The following SUGCT variants were observed in gnomAD, a reference collection of about 807,000 sequenced individuals.
The protein encoded by SUGCT is succinyl-CoA:glutarate CoA-transferase.
In SUGCT, 41 loss-of-function variants were observed where a neutral mutation model predicts 55.0. The observed-to-expected ratio is 0.74, with a 90% CI of 0.58 to 0.97. The LOEUF (loss-of-function observed/expected upper bound fraction) is 0.97. Among genes scored for constraint, SUGCT ranks in the 50% least tolerant of loss-of-function variants. The pLI, the probability that SUGCT is intolerant of heterozygous loss-of-function variation, is 0.00. For synonymous variants in SUGCT, 187 were observed against 200.4 expected (o/e 0.93, Z 0.56); for missense variants, 568 against 547.8 (o/e 1.04, Z -0.37).
intron 11 of SUGCT, among the ~76,000 whole-genome samples, chr7:40,493,866 A>G (rs534953780): frequency 6.6e-6 from 1 of 152,310 alleles, no homozygotes; most frequent in East Asian, 1.9e-4. Flanking sequence ...ATTTTTAGAA[A>G]AAAAATGATG....
At chr7:40,666,568 A>G (rs1009164311) in intron 12 of SUGCT, among the ~76,000 whole-genome samples, 14 of 151,964 alleles carry the variant, frequency 9.2e-5, no homozygotes, top group African/African-American at 3.4e-4. Flanking sequence ...GGGAAGACCA[A>G]TGATATGAAC....
chr7:40,649,706 TG>T (rs1800683964), intron 12 of SUGCT, among the ~76,000 whole-genome samples: 1 of 152,198 alleles, frequency 6.6e-6, no homozygotes, highest in South Asian at 2.1e-4. Context: ...ATGAGGCTCT[TG>T]CTCAAACTAA....
the SUGCT span, among the ~76,000 whole-genome samples, chr7:41,024,375 A>G: frequency 6.6e-6 from 1 of 152,348 alleles, no homozygotes; most frequent in Non-Finnish European, 1.5e-5. Context: ...AATCCTTTGT[A>G]TAACAAAAGG....
intron 12 of SUGCT, among the ~76,000 whole-genome samples, chr7:40,633,879 A>C (rs1403713223): frequency 1.3e-5 from 2 of 152,226 alleles, no homozygotes; most frequent in Non-Finnish European, 2.9e-5. Flanking sequence ...CTTGCATCAT[A>C]ATATTATTTT....
chr7:40,720,851 A>G (rs773634529), intron 12 of SUGCT, among the ~76,000 whole-genome samples: 12 of 152,242 alleles, frequency 7.9e-5, no homozygotes, highest in Non-Finnish European at 1.6e-4. Context: ...AAAGCTTTAC[A>G]GCATGTTACA....
intron 12 of SUGCT, among the ~76,000 whole-genome samples, chr7:40,603,651 A>G (rs1241566876): frequency 6.6e-6 from 1 of 152,196 alleles, no homozygotes; most frequent in African/African-American, 2.4e-5. Flanking sequence ...TGTTCAAGGC[A>G]TGAGGCCCTG....
chr7:40,288,133 C>T (rs553612222), intron 8 of SUGCT, among the ~76,000 whole-genome samples: 36 of 152,124 alleles, frequency 2.4e-4, no homozygotes, highest in African/African-American at 7.7e-4. Context: ...TTGGTCTTTA[C>T]GGTCTGTAGT....
At chr7:40,970,426 C>T in the SUGCT span, among the ~76,000 whole-genome samples, 3 of 152,174 alleles carry the variant, frequency 2.0e-5, no homozygotes. Context: ...TCTGTCTTGG[C>T]CTCCCAAAAT....
chr7:40,901,476 C>A, the SUGCT span, among the ~76,000 whole-genome samples: 1 of 151,576 alleles, frequency 6.6e-6, no homozygotes, highest in African/African-American at 2.4e-5. Flanking sequence ...CAACCATCAC[C>A]TTAGTATACT....
intron 9 of SUGCT, among the ~76,000 whole-genome samples, chr7:40,363,825 A>C (rs1463517492): frequency 6.6e-6 from 1 of 152,154 alleles, no homozygotes; most frequent in Non-Finnish European, 1.5e-5. Flanking sequence ...GATGTCTATT[A>C]GGTCCGCTTG....
intron 1 of SUGCT, among the ~76,000 whole-genome samples, chr7:40,141,350 T>C (rs1787969403): frequency 6.6e-6 from 1 of 152,032 alleles, no homozygotes; most frequent in South Asian, 2.1e-4. Flanking sequence ...AGTGTGCTTC[T>C]TGGGCCAGGC....
intron 1 of SUGCT, among the ~76,000 whole-genome samples, chr7:40,156,470 TAGA>T (rs1562801718): frequency 1.3e-5 from 2 of 151,520 alleles, no homozygotes; most frequent in East Asian, 2.0e-4. Context: ...CTCAAAGAAA[TAGA>T]AGATTTTTAG....
the SUGCT span, among the ~76,000 whole-genome samples, chr7:40,948,274 A>G: frequency 6.6e-6 from 1 of 152,186 alleles, no homozygotes; most frequent in South Asian, 2.1e-4. Context: ...AGAAACTGCA[A>G]CTGACGATCA....
the SUGCT span, among the ~76,000 whole-genome samples, chr7:40,960,793 T>C: frequency 6.6e-6 from 1 of 152,250 alleles, no homozygotes; most frequent in Non-Finnish European, 1.5e-5. Flanking sequence ...CATTTATGTT[T>C]CCTTTAATGT....
chr7:40,286,821 G>A (rs377325443), intron 8 of SUGCT, among the ~76,000 whole-genome samples: 1 of 14,714 alleles, frequency 6.8e-5, no homozygotes, highest in Non-Finnish European at 1.5e-4. Context: ...GTAACAGGCT[G>A]TTTTTTGTTT....
chr7:40,974,183 G>T, the SUGCT span, among the ~76,000 whole-genome samples: 1 of 152,136 alleles, frequency 6.6e-6, no homozygotes, highest in African/African-American at 2.4e-5. Flanking sequence ...TGATCTTGTG[G>T]TGTTGTTCAC....
chr7:40,622,549 T>TTC (rs1439586678), intron 12 of SUGCT, among the ~76,000 whole-genome samples: 1 of 150,540 alleles, frequency 6.6e-6, no homozygotes, highest in Non-Finnish European at 1.5e-5. Context: ...TTTTTTTTTT[T>TTC]TTCATCTTCT....
chr7:40,914,572 AG>A, the SUGCT span, among the ~76,000 whole-genome samples: 1 of 152,180 alleles, frequency 6.6e-6, no homozygotes, highest in Non-Finnish European at 1.5e-5. Flanking sequence ...AGAGTATAGT[AG>A]AGTATAGTAA....
At chr7:40,559,641 A>G (rs1237699258) in intron 12 of SUGCT, among the ~76,000 whole-genome samples, 1 of 152,218 alleles carries the variant, frequency 6.6e-6, no homozygotes, top group Non-Finnish European at 1.5e-5. Flanking sequence ...TTACTCTGAC[A>G]CACTTTTTCA....
Sources: gnomAD v4.1 joint callset for allele counts (sites outside exome capture counted in the v4.1 genomes callset) on GRCh38, gnomAD v4.1.1 for gene constraint, MANE v1.5 for transcripts, NCBI Gene and HGNC (gene_info 2026-07-23, HGNC 2026-07-21) for gene names.